FUBP3: variants seen among roughly 807,000 people sequenced by gnomAD.
FUBP3 encodes the protein far upstream element binding protein 3.
FUBP3 carries 28 observed loss-of-function variants against 85.6 expected under a neutral mutation model. The ratio of observed to expected loss-of-function variants is 0.33; its 90% confidence interval spans 0.24 to 0.45. FUBP3 has a LOEUF of 0.45. Ranked by LOEUF, FUBP3 falls within the 20% of genes least tolerant of loss-of-function variation. The probability of loss-of-function intolerance (pLI) is 1.00; values close to 1 mark genes in which losing one functional copy is unlikely to be tolerated. For synonymous variants in FUBP3, 271 were observed against 271.4 expected (o/e 1.00, Z 0.01); for missense variants, 583 against 755.1 (o/e 0.77, Z 2.67).
Position 130,585,230 on chromosome 9 carries a change from G to A in FUBP3, c.84+5466G>A, listed in dbSNP as rs569598507. ...ACACTGCTCCCACAGCCTGCACAGC[G>A]ATAATCAGCAGGAGCTGAGTAGCTG... On this transcript the variant is annotated intron_variant, in intron 1 of 18. Transcript: ENST00000319725. Among the ~76,000 whole-genome samples, 52 of 152,306 alleles carry A rather than the reference G, an allele frequency of 3.4e-4. 1 individual carries two copies. Among genetic ancestry groups the A allele is most frequent in the Middle Eastern group, 6.8e-3 (2 of 294 alleles).
intron 2 of FUBP3, among the ~76,000 whole-genome samples, chr9:130,601,265 A>G (rs1458696319): frequency 1.3e-5 from 2 of 152,160 alleles, no homozygotes; most frequent in East Asian, 1.9e-4. Flanking sequence ...TCACTGTCCA[A>G]CTGCCCTAAC....
At chr9:130,601,560 A>G (rs541186032) in intron 2 of FUBP3, among the ~76,000 whole-genome samples, 38 of 152,182 alleles carry the variant, frequency 2.5e-4, no homozygotes, top group Admixed American at 1.2e-3. Flanking sequence ...CTTTGAAACT[A>G]TGCCTGCCTC....
At chr9:130,631,465 C>G (rs1240462267) in intron 13 of FUBP3, 92 bp from the exon 14 acceptor site, 1 of 1,364,650 alleles carries the variant, frequency 7.3e-7, no homozygotes, top group Non-Finnish European at 1.0e-6. Context: ...CTCCATCTCC[C>G]CAAAAGCTGG....
chr9:130,614,459 C>T (rs1038134350), intron 6 of FUBP3, 114 bp downstream of exon 6: 19 of 640,974 alleles, frequency 3.0e-5, no homozygotes, highest in South Asian at 1.4e-4. Flanking sequence ...AGTCTGGCCA[C>T]ACAGGTAGAT....
At chr9:130,624,609 T>G (rs991453936) in intron 11 of FUBP3, among the ~76,000 whole-genome samples, 30 of 143,974 alleles carry the variant, frequency 2.1e-4, no homozygotes, top group East Asian at 6.3e-4. Context: ...TTACAAGATT[T>G]TGTGTGTGTG....
At chr9:130,617,766 A>C in intron 7 of FUBP3, 31 bp from the exon 8 acceptor site, 1 of 1,293,026 alleles carries the variant, frequency 7.7e-7, no homozygotes, top group Non-Finnish European at 1.1e-6. Flanking sequence ...TGCATTATTC[A>C]TGAGGCTGTG....
intron 2 of FUBP3, among the ~76,000 whole-genome samples, chr9:130,598,951 C>A (rs1830998483): frequency 6.6e-6 from 1 of 152,126 alleles, no homozygotes; most frequent in Non-Finnish European, 1.5e-5. Context: ...AAGCTTGAGC[C>A]CAGACATTCG....
chr9:130,623,786 C>T, intron 11 of FUBP3, 75 bp downstream of exon 11: 3 of 872,618 alleles, frequency 3.4e-6, no homozygotes, highest in South Asian at 3.1e-5. Context: ...CTCGGTGCAG[C>T]ACCATAGAGC....
Position 130,593,129 on chromosome 9 carries a change from A to G in FUBP3, c.85-2354A>G, listed in dbSNP as rs141169260. Among the ~76,000 whole-genome samples the G allele has an allele frequency of 4.6e-5, 7 of 152,250 alleles. No homozygotes were observed. The East Asian group carries it at 1.4e-3, about 29-fold the overall frequency. ...TTTATGTAGCCAGCTCCTCATCATC[A>G]CGTAGGACTCAGATGTCACTCCTCA... On this transcript the variant is annotated intron_variant, in intron 1 of 18. Coordinates refer to ENST00000319725, the MANE Select transcript of FUBP3 (RefSeq NM_003934.2).
At chr9:130,580,000 G>T (rs556998632) in intron 1 of FUBP3, among the ~76,000 whole-genome samples, 53 of 152,362 alleles carry the variant, frequency 3.5e-4, no homozygotes, top group African/African-American at 1.2e-3. Flanking sequence ...CTGGGAAAGG[G>T]TTTGCTTAGA....
At chr9:130,614,265 C>T (rs781682860) in intron 5 of FUBP3, 23 bp from the exon 6 acceptor site, 7 of 1,551,998 alleles carry the variant, frequency 4.5e-6, no homozygotes, top group Non-Finnish European at 6.2e-6. Flanking sequence ...CAACACCCCT[C>T]ATCTTCTTGA....
At chr9:130,633,355 A>G (rs1048830625) in intron 16 of FUBP3, among the ~76,000 whole-genome samples, 5 of 152,296 alleles carry the variant, frequency 3.3e-5, no homozygotes, top group East Asian at 1.9e-4. Flanking sequence ...TCGCTTGGCC[A>G]TAGGGGCTAA....
At chr9:130,607,107 T>C (rs1291192345) in intron 2 of FUBP3, among the ~76,000 whole-genome samples, 1 of 151,680 alleles carries the variant, frequency 6.6e-6, no homozygotes, top group Non-Finnish European at 1.5e-5. Flanking sequence ...GGATTACAGA[T>C]GTGCACCACC....
Position 130,631,537 on chromosome 9 carries a change from C to G in FUBP3, c.1279-20C>G, listed in dbSNP as rs1249840104. 11 of 1,606,008 alleles carry G rather than the reference C, an allele frequency of 6.8e-6. No individual in the cohort carries two copies. Among genetic ancestry groups the G allele is most frequent in the Non-Finnish European group, 9.4e-6 (11 of 1,172,632 alleles). The stretch of plus-strand genomic sequence containing the variant: ...GTGTGCAACCAACAGCGGGTGAGAG[C>G]TCCCTCTGTGCCCCCACAGGGGACC... On this transcript the variant is annotated intron_variant, in intron 13 of 18. Coordinates refer to ENST00000319725, the MANE Select transcript of FUBP3 (RefSeq NM_003934.2).
chr9:130,624,609 T>TTGTGTGTGTGTGTGTGTG (rs138986229), intron 11 of FUBP3, among the ~76,000 whole-genome samples: 2 of 143,876 alleles, frequency 1.4e-5, no homozygotes, highest in Non-Finnish European at 3.0e-5. Context: ...TTACAAGATT[T>TTGTGTGTGTGTGTGTGTG]TGTGTGTGTG....
chr9:130,617,836 C>T lies in FUBP3; in HGVS notation c.607C>T (p.Pro203Ser), dbSNP rs1357665710. 3 of 1,609,828 alleles carry T rather than the reference C, an allele frequency of 1.9e-6. No individual in the cohort carries two copies. The highest frequency in any genetic ancestry group is 2.6e-6 in the Non-Finnish European group (3 of 1,176,168). The change falls in exon 8 of 19, where the codon CCA (proline) becomes TCA (serine). Residue 203 changes from proline to serine, a missense_variant. Around this residue, in one of 3 missense-constraint regions of FUBP3, gnomAD observed 404 missense variants for 516.8 expected, o/e 0.78. Coordinates refer to ENST00000319725, the MANE Select transcript of FUBP3 (RefSeq NM_003934.2). ...GAAGATGGTCATGATCCAGGATGGC[C>T]CATTGCCCACGGGAGCAGACAAGCC... is the stretch of plus-strand genomic sequence containing the variant. ...GVKMVMIQDG[P>S]LPTGADKPLR...
At chr9:130,621,992 A>G (rs1829769991) in intron 9 of FUBP3, among the ~76,000 whole-genome samples, 1 of 151,718 alleles carries the variant, frequency 6.6e-6, no homozygotes, top group Admixed American at 6.6e-5. Flanking sequence ...ATTTCCAGGA[A>G]TGCACTATAA....
At chr9:130,593,116 GCTC>G (rs1830708231) in intron 1 of FUBP3, among the ~76,000 whole-genome samples, 2 of 152,124 alleles carry the variant, frequency 1.3e-5, no homozygotes, top group African/African-American at 4.8e-5. Flanking sequence ...TATGTAGCCA[GCTC>G]CTCATCATCA....
At chr9:130,613,915 A>G (rs150039826) in intron 5 of FUBP3, among the ~76,000 whole-genome samples, 259 of 152,312 alleles carry the variant, frequency 1.7e-3, no homozygotes, top group Non-Finnish European at 2.6e-3. Flanking sequence ...GTACTAGTTT[A>G]CTTGCCGTGT....
Sources: gnomAD v4.1 joint callset for allele counts (sites outside exome capture counted in the v4.1 genomes callset) on GRCh38, gnomAD v4.1.1 for gene constraint, gnomAD v4.1.1 regional missense constraint, MANE v1.5 for transcripts, NCBI Gene and HGNC (gene_info 2026-07-23, HGNC 2026-07-21) for gene names.